LRBA: variants seen among roughly 807,000 people sequenced by gnomAD.
LRBA encodes LPS responsive beige-like anchor protein, also known as lipopolysaccharide-responsive and beige-like anchor protein.
A neutral mutation model predicts 330.0 loss-of-function variants in LRBA; 176 were observed. That is an observed-to-expected ratio of 0.53 (90% CI 0.47 to 0.60). The LOEUF is 0.60. Among genes scored for constraint, LRBA ranks in the 20% least tolerant of loss-of-function variants. The pLI is 0.00. For synonymous variants in LRBA, 1,230 were observed against 1,193.0 expected (o/e 1.03, Z -0.64); for missense variants, 3,259 against 3,444.8 (o/e 0.95, Z 1.35).
intron 13 of LRBA, among the ~76,000 whole-genome samples, chr4:150,902,193 C>T (rs1157857068): frequency 1.3e-5 from 2 of 151,990 alleles, no homozygotes; most frequent in Non-Finnish European, 2.9e-5. Context: ...TAAAGAAAAG[C>T]TTCACTAATA....
intron 40 of LRBA, chr4:150,582,479 G>C (rs1175080907): frequency 6.5e-6 from 1 of 153,642 alleles, no homozygotes; most frequent in African/African-American, 2.4e-5. Flanking sequence ...CTTCCATTTG[G>C]GGGAGGGTGA....
intron 38 of LRBA, among the ~76,000 whole-genome samples, chr4:150,591,711 TC>T (rs1339243478): frequency 6.6e-6 from 1 of 152,018 alleles, no homozygotes; most frequent in African/African-American, 2.4e-5. Context: ...AGTACCAGAC[TC>T]AGGCACTATG....
intron 56 of LRBA, among the ~76,000 whole-genome samples, chr4:150,273,890 A>C (rs928512607): frequency 6.6e-6 from 1 of 152,166 alleles, no homozygotes; most frequent in East Asian, 1.9e-4. Flanking sequence ...TGTCAATATT[A>C]GATCAATGAG....
At chr4:150,266,073 AGTAACTAAAATCTGAACAGATTT>A (rs3833626) in intron 56 of LRBA, among the ~76,000 whole-genome samples, 88,368 of 151,294 alleles carry the variant, frequency 0.58, 27,303 homozygotes, top group South Asian at 0.82. Flanking sequence ...GTGCAGGATG[AGTAACTAAAATCTGAACAGATTT>A]GTAACTAAAA....
chr4:150,944,142 C>A (rs918219008), intron 2 of LRBA, among the ~76,000 whole-genome samples: 6 of 152,178 alleles, frequency 3.9e-5, no homozygotes, highest in Admixed American at 3.3e-4. Flanking sequence ...TCTAGCCAAC[C>A]TACTCCCAAA....
chr4:150,421,904 CTT>C (rs201195186), intron 46 of LRBA, among the ~76,000 whole-genome samples: 3,491 of 152,208 alleles, frequency 0.023, 131 homozygotes, highest in African/African-American at 0.078. Flanking sequence ...AAAAAAATGA[CTT>C]TTCCTGCTTT....
chr4:150,931,230 C>T (rs771682111), intron 2 of LRBA, among the ~76,000 whole-genome samples: 3 of 151,732 alleles, frequency 2.0e-5, no homozygotes, highest in Non-Finnish European at 4.4e-5. Flanking sequence ...AATCATAGTA[C>T]AGTTATTTAA....
At chr4:150,377,530 G>A (rs895845254) in intron 47 of LRBA, among the ~76,000 whole-genome samples, 3 of 152,156 alleles carry the variant, frequency 2.0e-5, no homozygotes, top group Admixed American at 6.5e-5. Context: ...ATGGAGGACT[G>A]TTTTAATTCT....
At chr4:150,373,922 C>T (rs1026234517) in intron 47 of LRBA, among the ~76,000 whole-genome samples, 1 of 152,084 alleles carries the variant, frequency 6.6e-6, no homozygotes, top group Admixed American at 6.6e-5. Context: ...TCAGTTTCTC[C>T]CCTTCTAAGA....
intron 36 of LRBA, among the ~76,000 whole-genome samples, chr4:150,723,747 A>ATGGG (rs1729267710): frequency 6.6e-6 from 1 of 152,228 alleles, no homozygotes; most frequent in East Asian, 1.9e-4. Flanking sequence ...TAGAGCAATA[A>ATGGG]GCTGGCTCTT....
intron 42 of LRBA, among the ~76,000 whole-genome samples, chr4:150,479,863 C>G (rs1369839122): frequency 6.6e-6 from 1 of 152,180 alleles, no homozygotes; most frequent in African/African-American, 2.4e-5. Flanking sequence ...CTAAGGAGCA[C>G]ATGAGAGATT....
At chr4:150,782,956 C>T (rs1738492289) in intron 34 of LRBA, among the ~76,000 whole-genome samples, 1 of 152,080 alleles carries the variant, frequency 6.6e-6, no homozygotes, top group African/African-American at 2.4e-5. Flanking sequence ...TCACCTTATG[C>T]TCCAAGTGTT....
chr4:150,582,080 CAG>C (rs1411215930), intron 40 of LRBA: 4 of 151,726 alleles, frequency 2.6e-5, no homozygotes, highest in Admixed American at 2.0e-4. Context: ...AGAGACGACT[CAG>C]AAAGTGGAAT....
intron 37 of LRBA, among the ~76,000 whole-genome samples, chr4:150,670,049 G>C (rs902514426): frequency 6.6e-6 from 1 of 152,082 alleles, no homozygotes; most frequent in Non-Finnish European, 1.5e-5. Flanking sequence ...TATTAACTAT[G>C]AAGTTAATAT....
chr4:150,467,626 T>G (rs1205788357), intron 44 of LRBA, 47 bp downstream of exon 44: 1 of 1,184,718 alleles, frequency 8.4e-7, no homozygotes, highest in Non-Finnish European at 1.2e-6. Context: ...TCCAATTTAT[T>G]TTTATATGCA....
chr4:150,364,646 T>A (rs1198399788), intron 47 of LRBA, among the ~76,000 whole-genome samples: 11 of 152,226 alleles, frequency 7.2e-5, no homozygotes, highest in Non-Finnish European at 1.5e-4. Context: ...TGTGCCATGT[T>A]GATCTGGAGG....
intron 16 of LRBA, among the ~76,000 whole-genome samples, chr4:150,893,665 GT>G (rs1289066807): frequency 1.3e-5 from 2 of 151,688 alleles, no homozygotes; most frequent in Non-Finnish European, 2.9e-5. Flanking sequence ...CAATTTCTTT[GT>G]TTTTTTGTTT....
intron 40 of LRBA, among the ~76,000 whole-genome samples, chr4:150,548,098 G>A (rs1430461984): frequency 6.6e-6 from 1 of 152,106 alleles, no homozygotes; most frequent in Non-Finnish European, 1.5e-5. Context: ...TTATATTTGT[G>A]CAGCCTTAAA....
chr4:150,811,615 G>A (rs1743748479), intron 31 of LRBA, among the ~76,000 whole-genome samples: 2 of 152,064 alleles, frequency 1.3e-5, no homozygotes, highest in South Asian at 4.2e-4. Flanking sequence ...TAATCCTCCT[G>A]TCTCAGCCTT....
Sources: allele counts gnomAD v4.1 joint callset (sites outside exome capture counted in the v4.1 genomes callset), GRCh38; gene constraint gnomAD v4.1.1; transcripts MANE v1.5; gene names NCBI Gene and HGNC (gene_info 2026-07-23, HGNC 2026-07-21).